The following CYP7B1 variants were observed in gnomAD, a reference collection of about 807,000 sequenced individuals.
The protein encoded by CYP7B1 is cytochrome P450 family 7 subfamily B member 1.
A neutral mutation model predicts 42.7 loss-of-function variants in CYP7B1; 29 were observed. That is an observed-to-expected ratio of 0.68 (90% confidence interval 0.51 to 0.93). CYP7B1 has a LOEUF of 0.93. Among genes scored for constraint, CYP7B1 ranks in the 40% least tolerant of loss-of-function variants. CYP7B1 has a pLI of 0.00. For synonymous variants in CYP7B1, 235 were observed against 218.2 expected (o/e 1.08, Z -0.68); for missense variants, 655 against 600.5 (o/e 1.09, Z -0.95).
intron 1 of CYP7B1, among the ~76,000 whole-genome samples, chr8:64,791,977 A>C (rs1804625794): frequency 6.6e-6 from 1 of 152,220 alleles, no homozygotes; most frequent in Non-Finnish European, 1.5e-5. Context: ...ACATATCTTA[A>C]AAAATAGTTA....
intron 1 of CYP7B1, among the ~76,000 whole-genome samples, chr8:64,793,107 C>T (rs780949922): frequency 3.9e-5 from 6 of 152,122 alleles, no homozygotes; most frequent in East Asian, 1.9e-4. Flanking sequence ...CTCTCCTAGA[C>T]GGTCCAGAAG....
intron 1 of CYP7B1, among the ~76,000 whole-genome samples, chr8:64,692,484 T>C (rs1281276345): frequency 6.6e-6 from 1 of 152,094 alleles, no homozygotes; most frequent in African/African-American, 2.4e-5. Flanking sequence ...CAACAGAAAA[T>C]GGTCATGGAC....
chr8:64,614,420 T>A (rs1033486339), intron 4 of CYP7B1, among the ~76,000 whole-genome samples: 6 of 152,086 alleles, frequency 3.9e-5, no homozygotes, highest in Admixed American at 1.3e-4. Flanking sequence ...AGTTGTTGCT[T>A]TTCCTTTTCT....
chr8:64,630,706 CA>C (rs1805682925), intron 1 of CYP7B1, among the ~76,000 whole-genome samples: 2 of 152,106 alleles, frequency 1.3e-5, no homozygotes, highest in African/African-American at 4.8e-5. Flanking sequence ...GATGAGCAGG[CA>C]AAAATATGCT....
intron 1 of CYP7B1, among the ~76,000 whole-genome samples, chr8:64,716,346 G>A (rs1447240083): frequency 6.6e-6 from 1 of 152,082 alleles, no homozygotes; most frequent in Non-Finnish European, 1.5e-5. Flanking sequence ...TTTTATCCAA[G>A]AAGTTATCAT....
At chr8:64,597,687 A>G (rs1805139052) in intron 5 of CYP7B1, among the ~76,000 whole-genome samples, 1 of 152,206 alleles carries the variant, frequency 6.6e-6, no homozygotes, top group Non-Finnish European at 1.5e-5. Context: ...TGGGCCTGCC[A>G]TCTTAATTTT....
chr8:64,778,469 C>T (rs528863376), intron 1 of CYP7B1, among the ~76,000 whole-genome samples: 1 of 152,016 alleles, frequency 6.6e-6, no homozygotes, highest in South Asian at 2.1e-4. Flanking sequence ...TGTTTTGGTA[C>T]ATAAAGTAAT....
intron 1 of CYP7B1, among the ~76,000 whole-genome samples, chr8:64,762,629 C>T (rs761279687): frequency 6.6e-5 from 10 of 152,166 alleles, no homozygotes; most frequent in Non-Finnish European, 1.0e-4. Context: ...CAAATCTAAA[C>T]AGTATTATGG....
At chr8:64,778,240 G>T (rs1476653466) in intron 1 of CYP7B1, among the ~76,000 whole-genome samples, 2 of 144,878 alleles carry the variant, frequency 1.4e-5, no homozygotes, top group African/African-American at 2.5e-5. Flanking sequence ...TGTATATGTA[G>T]TGTATGTATA....
intron 1 of CYP7B1, among the ~76,000 whole-genome samples, chr8:64,630,196 G>C (rs764113433): frequency 1.3e-5 from 2 of 152,138 alleles, no homozygotes; most frequent in Non-Finnish European, 2.9e-5. Flanking sequence ...TTTTACAAAA[G>C]AGACTAGGTT....
chr8:64,624,721 T>C (rs1157605578), intron 1 of CYP7B1, among the ~76,000 whole-genome samples, 182 bp from the exon 2 acceptor site: 1 of 152,108 alleles, frequency 6.6e-6, no homozygotes, highest in African/African-American at 2.4e-5. Context: ...TTCTCCAGTA[T>C]GTATGGATAA....
intron 1 of CYP7B1, among the ~76,000 whole-genome samples, chr8:64,749,639 G>A (rs1243322421): frequency 6.6e-6 from 1 of 152,104 alleles, no homozygotes; most frequent in Non-Finnish European, 1.5e-5. Flanking sequence ...TGTTCATGTG[G>A]CTATATTTCT....
At chr8:64,777,404 A>C (rs2129661983) in intron 1 of CYP7B1, among the ~76,000 whole-genome samples, 1 of 152,206 alleles carries the variant, frequency 6.6e-6, no homozygotes, top group Admixed American at 6.6e-5. Flanking sequence ...TAACCACTTA[A>C]GTTTTTTCCC....
At chr8:64,642,196 ATAAC>A (rs1464781199) in intron 1 of CYP7B1, among the ~76,000 whole-genome samples, 1 of 152,246 alleles carries the variant, frequency 6.6e-6, no homozygotes, top group Non-Finnish European at 1.5e-5. Flanking sequence ...ATATGTAGAC[ATAAC>A]TAAAAGTCAC....
intron 1 of CYP7B1, among the ~76,000 whole-genome samples, chr8:64,785,600 T>C (rs988758587): frequency 3.3e-5 from 5 of 151,934 alleles, no homozygotes; most frequent in African/African-American, 9.7e-5. Flanking sequence ...AATAAGCCAA[T>C]GTGAAAAGGC....
chr8:64,798,396 T>A, intron 1 of CYP7B1, 70 bp downstream of exon 1: 1 of 1,434,002 alleles, frequency 7.0e-7, no homozygotes, highest in Middle Eastern at 2.4e-4. Flanking sequence ...GGGACTCCCC[T>A]CGCCATCTGG....
chr8:64,745,293 A>C (rs933522145), intron 1 of CYP7B1, among the ~76,000 whole-genome samples: 1 of 152,190 alleles, frequency 6.6e-6, no homozygotes, highest in Non-Finnish European at 1.5e-5. Context: ...TTGCAATATC[A>C]AGATTGTTTC....
chr8:64,590,981 T>C lies in CYP7B1; in HGVS notation c.*5661A>G, dbSNP rs2129629587. ...TTGATTCATTGTAAATCCACATATA[T>C]GTCATTTTAAAATCAAAGATAATAT... On this transcript the variant is annotated 3_prime_UTR_variant, in exon 6 of 6. Transcript: ENST00000310193. Among the ~76,000 whole-genome samples the C allele has an allele frequency of 6.6e-6, 1 of 152,288 alleles. No homozygotes were observed. The highest frequency in any genetic ancestry group is 2.4e-5 in the African/African-American group (1 of 41,588).
intron 1 of CYP7B1, among the ~76,000 whole-genome samples, chr8:64,784,480 A>G (rs1339140218): frequency 6.6e-6 from 1 of 152,204 alleles, no homozygotes; most frequent in Non-Finnish European, 1.5e-5. Flanking sequence ...ACTCAACAGT[A>G]GAATTCTCTG....
Sources: allele counts gnomAD v4.1 joint callset (sites outside exome capture counted in the v4.1 genomes callset), GRCh38; gene constraint gnomAD v4.1.1; transcripts MANE v1.5; gene names NCBI Gene and HGNC (gene_info 2026-07-23, HGNC 2026-07-21).